Variants in CADM2 observed in about 807,000 individuals in gnomAD.
CADM2 encodes the protein immunoglobulin superfamily member 4D.
A neutral mutation model predicts 49.8 loss-of-function variants in CADM2; 12 were observed. The observed-to-expected ratio is 0.24, with a 90% CI of 0.15 to 0.39. The LOEUF is 0.39. Among genes scored for constraint, CADM2 ranks in the 10% least tolerant of loss-of-function variants. CADM2 has a pLI of 1.00. For missense variants in CADM2, 378 were observed against 492.3 expected (o/e 0.77, Z 2.20); for synonymous variants, 214 against 175.4 (o/e 1.22, Z -1.74).
At chr3:85,749,110 C>T (rs2068752340) in intron 2 of CADM2, among the ~76,000 whole-genome samples, 1 of 151,684 alleles carries the variant, frequency 6.6e-6, no homozygotes, top group African/African-American at 2.4e-5. Flanking sequence ...GCACAATACT[C>T]CTTATCATTA....
chr3:85,550,632 A>G (rs1436307401), intron 1 of CADM2, among the ~76,000 whole-genome samples: 1 of 152,186 alleles, frequency 6.6e-6, no homozygotes, highest in African/African-American at 2.4e-5. Context: ...TATATTTCCT[A>G]AATTTATATG....
chr3:85,364,865 CCTACAACAA>C (rs1323650753), intron 1 of CADM2, among the ~76,000 whole-genome samples: 11 of 88,944 alleles, frequency 1.2e-4, no homozygotes, highest in African/African-American at 2.8e-4. Context: ...TATGCTTGTT[CCTACAACAA>C]CAACAACAAC....
At chr3:85,166,638 A>G (rs2040476763) in intron 1 of CADM2, among the ~76,000 whole-genome samples, 1 of 152,074 alleles carries the variant, frequency 6.6e-6, no homozygotes, top group African/African-American at 2.4e-5. Context: ...GTATTAAAAG[A>G]CTATTTAGAA....
Position 85,854,525 on chromosome 3 carries a change from A to G in CADM2, c.239-28766A>G, listed in dbSNP as rs117105294. Among the ~76,000 whole-genome samples the G allele has an allele frequency of 8.3e-3, 1,262 of 152,308 alleles. 42 individuals carry two copies. In the South Asian group the frequency reaches 0.092, roughly 11 times the overall value. ...ACCATAATTCTCAGCAAACTAACAG[A>G]GGAGCAGAAAACCAAACACCAAATG... On this transcript the variant is annotated intron_variant, in intron 3 of 9. Coordinates refer to ENST00000383699, the MANE Select transcript of CADM2 (RefSeq NM_001167675.2).
chr3:85,725,325 C>T (rs1447541356), intron 1 of CADM2, among the ~76,000 whole-genome samples: 3 of 151,776 alleles, frequency 2.0e-5, no homozygotes, highest in Non-Finnish European at 3.0e-5. Flanking sequence ...TTTTTTTTAG[C>T]TCCAGGCAAC....
chr3:85,077,259 T>C (rs2036980600), intron 1 of CADM2, among the ~76,000 whole-genome samples: 2 of 152,158 alleles, frequency 1.3e-5, no homozygotes, highest in Admixed American at 1.3e-4. Context: ...GTTCCTATAT[T>C]ATAAAACATT....
intron 1 of CADM2, among the ~76,000 whole-genome samples, chr3:85,189,280 G>C (rs984966836): frequency 6.6e-6 from 1 of 151,812 alleles, no homozygotes; most frequent in Admixed American, 6.6e-5. Context: ...AGATTACAGA[G>C]GATTTGTTAT....
At chr3:85,880,727 ATAGTTTTCATC>A (rs1712629407) in intron 3 of CADM2, among the ~76,000 whole-genome samples, 1 of 152,192 alleles carries the variant, frequency 6.6e-6, no homozygotes, top group South Asian at 2.1e-4. Context: ...GTTTGTTTAT[ATAGTTTTCATC>A]TAGTTTTCAC....
At chr3:85,665,116 G>A (rs1451640668) in intron 1 of CADM2, among the ~76,000 whole-genome samples, 2 of 151,866 alleles carry the variant, frequency 1.3e-5, no homozygotes, top group African/African-American at 2.4e-5. Context: ...TAAACGGTCT[G>A]TTTCATATTA....
chr3:85,616,176 T>G (rs17520968), intron 1 of CADM2, among the ~76,000 whole-genome samples: 1 of 151,830 alleles, frequency 6.6e-6, no homozygotes, highest in East Asian at 1.9e-4. Flanking sequence ...TCACCTAATA[T>G]AAACCAAGAG....
At chr3:85,492,697 A>G (rs2039724934) in intron 1 of CADM2, among the ~76,000 whole-genome samples, 1 of 152,218 alleles carries the variant, frequency 6.6e-6, no homozygotes, top group Non-Finnish European at 1.5e-5. Context: ...TAGTATAGCA[A>G]AGATAATATT....
chr3:85,820,023 G>A (rs774078958), intron 3 of CADM2, among the ~76,000 whole-genome samples: 16 of 152,040 alleles, frequency 1.1e-4, no homozygotes, highest in Non-Finnish European at 2.2e-4. Context: ...CTCATATAAG[G>A]ACAGAGAGGT....
Position 85,886,160 on chromosome 3 carries a change from T to G in CADM2, c.392-30T>G. 3 of 1,609,786 alleles carry G rather than the reference T, an allele frequency of 1.9e-6. No homozygotes were observed. In the South Asian group the frequency reaches 3.3e-5, roughly 18 times the overall value. On this transcript the variant is annotated intron_variant, in intron 4 of 9. Transcript: ENST00000383699. ...ATAACAAATCAACCCTGAAGATTGA[T>G]GCTCACTTCATCATTCGCTTAAATT...
At chr3:85,779,228 G>T (rs937169629) in intron 2 of CADM2, among the ~76,000 whole-genome samples, 1 of 151,636 alleles carries the variant, frequency 6.6e-6, no homozygotes, top group Non-Finnish European at 1.5e-5. Context: ...AATGACTGTT[G>T]CAGTCAGTAG....
chr3:85,610,785 A>T (rs2063661686), intron 1 of CADM2, among the ~76,000 whole-genome samples: 1 of 151,998 alleles, frequency 6.6e-6, no homozygotes, highest in South Asian at 2.1e-4. Flanking sequence ...ATATCAAAAA[A>T]TTACAATATA....
intron 1 of CADM2, among the ~76,000 whole-genome samples, chr3:85,090,949 G>A (rs2037572838): frequency 6.6e-6 from 1 of 152,096 alleles, no homozygotes; most frequent in African/African-American, 2.4e-5. Context: ...AAAGGTTGGG[G>A]ACCACTGCTC....
At chr3:85,234,420 C>T (rs989122152) in intron 1 of CADM2, among the ~76,000 whole-genome samples, 1 of 152,062 alleles carries the variant, frequency 6.6e-6, no homozygotes, top group Non-Finnish European at 1.5e-5. Context: ...TCTCAATTTC[C>T]TCAGCTGTAA....
chr3:85,928,347 C>G (rs1355764167), intron 6 of CADM2, among the ~76,000 whole-genome samples: 1 of 151,850 alleles, frequency 6.6e-6, no homozygotes, highest in African/African-American at 2.4e-5. Flanking sequence ...TTAGTAGAGA[C>G]GGCGTTTCAC....
intron 1 of CADM2, among the ~76,000 whole-genome samples, chr3:85,026,722 A>G (rs1388369307): frequency 6.6e-6 from 1 of 152,196 alleles, no homozygotes; most frequent in Non-Finnish European, 1.5e-5. Flanking sequence ...AGTTACCCAG[A>G]GGGAAACTGG....
Sources: gnomAD v4.1 joint callset for allele counts (sites outside exome capture counted in the v4.1 genomes callset) on GRCh38, gnomAD v4.1.1 for gene constraint, MANE v1.5 for transcripts, NCBI Gene and HGNC (gene_info 2026-07-23, HGNC 2026-07-21) for gene names.